Variants in GRM8 observed in about 807,000 individuals in gnomAD.
The protein encoded by GRM8 is glutamate metabotropic receptor 8.
In GRM8, 47 loss-of-function variants were observed where a neutral mutation model predicts 87.2. The observed-to-expected ratio is 0.54, with a 90% CI of 0.43 to 0.69. The LOEUF (loss-of-function observed/expected upper bound fraction) is 0.69, where lower values mean the gene tolerates loss of function less well. Among genes scored for constraint, GRM8 ranks in the 30% least tolerant of loss-of-function variants. The pLI is 0.00. For missense variants in GRM8, 1,019 were observed against 1,139.2 expected, an observed-to-expected ratio of 0.89 and a Z score of 1.52; for synonymous variants, 396 against 404.5, an observed-to-expected ratio of 0.98 and a Z score of 0.25.
Position 126,512,085 on chromosome 7 carries a change from T to G in GRM8, c.2430+20867A>C, listed in dbSNP as rs1210024890. The G allele has an allele frequency of 2.6e-5, 4 of 152,092 alleles. No individual in the cohort carries two copies. The East Asian group carries it at 7.8e-4, about 29-fold the overall frequency. 9.4% of individuals were successfully genotyped at this position (152,092 alleles called of 1,614,324 possible). A position where few individuals can be genotyped will look rare whatever the true frequency, so the allele number is the denominator to read the frequency against. On this transcript the variant is annotated intron_variant, in intron 9 of 10. Coordinates refer to ENST00000339582, the MANE Select transcript of GRM8 (RefSeq NM_000845.3). ...CTGCTTATAGATTAATAACCAGTAT[T>G]GGAGGAGAGAAACATAGCAATTCAG...
At chr7:126,500,872 T>C (rs1263867719) in intron 9 of GRM8, among the ~76,000 whole-genome samples, 3 of 152,002 alleles carry the variant, frequency 2.0e-5, no homozygotes, top group Non-Finnish European at 4.4e-5. Context: ...ATTAACATAG[T>C]ATGAATGTTT....
chr7:127,142,030 T>A (rs972080016), intron 2 of GRM8, among the ~76,000 whole-genome samples: 15 of 152,224 alleles, frequency 9.9e-5, no homozygotes, highest in African/African-American at 3.4e-4. Flanking sequence ...TCACTCAGCC[T>A]GGAGTACAGT....
chr7:126,894,452 G>A (rs2131123789), intron 6 of GRM8, among the ~76,000 whole-genome samples: 1 of 152,084 alleles, frequency 6.6e-6, no homozygotes, highest in South Asian at 2.1e-4. Context: ...TTTGCAGAAA[G>A]GATTTCCTAG....
At chr7:126,900,914 C>T (rs1162492693) in intron 6 of GRM8, among the ~76,000 whole-genome samples, 1 of 152,148 alleles carries the variant, frequency 6.6e-6, no homozygotes, top group Admixed American at 6.5e-5. Flanking sequence ...CCTCTTCACA[C>T]TTCTGCCAGG....
In GRM8 at chr7:126,919,193, T is replaced by A. The variant is rs191614290; in HGVS notation, c.728-14510A>T. Among the ~76,000 whole-genome samples the A allele has an allele frequency of 2.6e-5, 4 of 152,254 alleles. No homozygotes were observed. The East Asian group carries it at 5.8e-4, about 22-fold the overall frequency. Reference sequence around the variant, plus strand: ...TGCAGTGGAGCACACCCATGTTCCCTCTGCATGACCCTGGGCAAGATGTGT... The same window carrying A: ...TGCAGTGGAGCACACCCATGTTCCCACTGCATGACCCTGGGCAAGATGTGT... On this transcript the variant is annotated intron_variant, in intron 3 of 10. Transcript: ENST00000339582.
chr7:126,757,573 A>G (rs1817151616), intron 7 of GRM8, among the ~76,000 whole-genome samples: 1 of 152,170 alleles, frequency 6.6e-6, no homozygotes, highest in Admixed American at 6.5e-5. Context: ...TTTTTTAAAT[A>G]AATAGGGCAT....
At chr7:126,461,348 T>A (rs1272707021) in intron 9 of GRM8, among the ~76,000 whole-genome samples, 1 of 151,586 alleles carries the variant, frequency 6.6e-6, no homozygotes, top group African/African-American at 2.4e-5. Context: ...TAGTGTGCTT[T>A]GTACTCCTAA....
chr7:127,106,367 G>A, intron 3 of GRM8, 129 bp downstream of exon 3: 1 of 696,834 alleles, frequency 1.4e-6, no homozygotes, highest in South Asian at 1.8e-5. Context: ...TCCCTCTAGA[G>A]TGGACAGCCT....
In GRM8 at chr7:126,664,669, C is replaced by T. The variant is rs142524046; in HGVS notation, c.1358-55171G>A. Among the ~76,000 whole-genome samples the T allele has an allele frequency of 8.5e-3, 1,289 of 152,018 alleles. 6 individuals carry two copies. Among genetic ancestry groups the T allele is most frequent in the Non-Finnish European group, 0.014 (944 of 67,918 alleles). Reference sequence around the variant, plus strand: ...ATATAAGACCTCAAACTATAAGAATCCTAGAAGAAAACTTAGGAAATACAA... The same window carrying T: ...ATATAAGACCTCAAACTATAAGAATTCTAGAAGAAAACTTAGGAAATACAA... On this transcript the variant is annotated intron_variant, in intron 7 of 10. Coordinates refer to ENST00000339582, the MANE Select transcript of GRM8 (RefSeq NM_000845.3).
At chr7:127,155,167 T>G (rs1792643388) in intron 2 of GRM8, among the ~76,000 whole-genome samples, 1 of 152,012 alleles carries the variant, frequency 6.6e-6, no homozygotes, top group African/African-American at 2.4e-5. Flanking sequence ...TGGGTGGAAA[T>G]TAGAGCTATT....
chr7:126,491,878 T>C (rs1198121496), intron 9 of GRM8, among the ~76,000 whole-genome samples: 1 of 152,064 alleles, frequency 6.6e-6, no homozygotes, highest in African/African-American at 2.4e-5. Context: ...ATACAGATCA[T>C]ATATATTTCC....
At chr7:126,788,734 G>T (rs1476620269) in intron 6 of GRM8, among the ~76,000 whole-genome samples, 1 of 150,490 alleles carries the variant, frequency 6.6e-6, no homozygotes, top group African/African-American at 2.4e-5. Flanking sequence ...GACTCTAGGA[G>T]TTGAGTTCAC....
chr7:126,489,261 T>C (rs1253952040), intron 9 of GRM8, among the ~76,000 whole-genome samples: 1 of 152,068 alleles, frequency 6.6e-6, no homozygotes, highest in African/African-American at 2.4e-5. Context: ...AGTAATCAAA[T>C]GCAATCTTTT....
At chr7:127,203,118 G>A (rs1044915152) in intron 2 of GRM8, among the ~76,000 whole-genome samples, 1 of 152,298 alleles carries the variant, frequency 6.6e-6, no homozygotes, top group South Asian at 2.1e-4. Context: ...TAGAGATCAT[G>A]TTATAAATGA....
At chr7:127,231,382 C>T (rs1797677596) in intron 2 of GRM8, among the ~76,000 whole-genome samples, 1 of 152,180 alleles carries the variant, frequency 6.6e-6, no homozygotes, top group Non-Finnish European at 1.5e-5. Flanking sequence ...AGTCCTTTTA[C>T]ATTTGAGCAA....
chr7:126,592,905 A>G (rs958137657), intron 8 of GRM8, among the ~76,000 whole-genome samples: 1 of 151,960 alleles, frequency 6.6e-6, no homozygotes, highest in Non-Finnish European at 1.5e-5. Context: ...ACAAACACTA[A>G]AAAACTACTA....
intron 2 of GRM8, among the ~76,000 whole-genome samples, chr7:127,185,491 A>G (rs1167700371): frequency 6.6e-6 from 1 of 152,186 alleles, no homozygotes; most frequent in East Asian, 1.9e-4. Flanking sequence ...AAACTAAAAT[A>G]TAAAATGCAA....
At chr7:126,673,272 G>A (rs545791709) in intron 7 of GRM8, among the ~76,000 whole-genome samples, 16 of 152,216 alleles carry the variant, frequency 1.1e-4, no homozygotes, top group African/African-American at 3.6e-4. Context: ...GCAAGCCTAC[G>A]TTTTTATGGC....
intron 7 of GRM8, among the ~76,000 whole-genome samples, chr7:126,725,138 T>G (rs1317559375): frequency 6.6e-6 from 1 of 152,218 alleles, no homozygotes; most frequent in Non-Finnish European, 1.5e-5. Flanking sequence ...CTTTTAGATT[T>G]GTATTTTCAG....
Sources: gnomAD v4.1 joint callset for allele counts (sites outside exome capture counted in the v4.1 genomes callset) on GRCh38, gnomAD v4.1.1 for gene constraint, MANE v1.5 for transcripts, NCBI Gene and HGNC (gene_info 2026-07-23, HGNC 2026-07-21) for gene names.